TAFA1: variants seen among roughly 807,000 people sequenced by gnomAD.
TAFA1 encodes the protein TAFA chemokine like family member 1, also known as chemokine-like protein TAFA-1.
Under a neutral mutation model 18.5 loss-of-function variants are expected in TAFA1, and 4 were observed. The observed-to-expected ratio is 0.22, with a 90% confidence interval of 0.11 to 0.49. The LOEUF (loss-of-function observed/expected upper bound fraction) is 0.49, where lower values mean the gene tolerates loss of function less well. TAFA1 is among the 20% of genes least tolerant of loss of function. The pLI is 0.98. For missense variants in TAFA1, 147 were observed against 169.0 expected (o/e 0.87, Z 0.72); for synonymous variants, 56 against 55.2 (o/e 1.01, Z -0.06).
intron 3 of TAFA1, among the ~76,000 whole-genome samples, chr3:68,477,802 G>T (rs1407019164): frequency 6.6e-6 from 1 of 152,144 alleles, no homozygotes; most frequent in Non-Finnish European, 1.5e-5. Flanking sequence ...TTTCCAAAGA[G>T]GTTCTACCAA....
At chr3:68,445,106 A>T (rs994932156) in intron 3 of TAFA1, among the ~76,000 whole-genome samples, 1 of 152,154 alleles carries the variant, frequency 6.6e-6, no homozygotes, top group South Asian at 2.1e-4. Flanking sequence ...CAAAACTTAG[A>T]CATGCTGATA....
At chr3:68,387,043 C>T (rs1409504469) in intron 2 of TAFA1, among the ~76,000 whole-genome samples, 1 of 151,854 alleles carries the variant, frequency 6.6e-6, no homozygotes, top group Non-Finnish European at 1.5e-5. Flanking sequence ...AATCCATACA[C>T]TCTGTGCCTA....
chr3:68,013,511 A>T (rs1188937959), intron 2 of TAFA1, among the ~76,000 whole-genome samples: 1 of 152,090 alleles, frequency 6.6e-6, no homozygotes, highest in African/African-American at 2.4e-5. Flanking sequence ...TCTCCTCTAT[A>T]AGTTTAGAAA....
Position 68,499,103 on chromosome 3 carries a change from C to T in TAFA1, c.260-39653C>T, listed in dbSNP as rs180727467. ...AAATCATCAAAGAGATACGATTTTTCCTTACTCTTTTAAAGCAGCCTAGGT... is the reference window on the plus strand; with the variant it reads ...AAATCATCAAAGAGATACGATTTTTTCTTACTCTTTTAAAGCAGCCTAGGT... On this transcript the variant is annotated intron_variant, in intron 3 of 4. Transcript: ENST00000478136. 3.0e-3 allele frequency among the ~76,000 whole-genome samples: 452 copies of T among 152,030 alleles called. 2 individuals are homozygous for T. The highest frequency in any genetic ancestry group is 0.01 in the African/African-American group (429 of 41,522).
chr3:68,470,968 C>T (rs1473881519), intron 3 of TAFA1, among the ~76,000 whole-genome samples: 3 of 152,136 alleles, frequency 2.0e-5, no homozygotes, highest in Non-Finnish European at 4.4e-5. Flanking sequence ...AAAATGTTTC[C>T]TGGCGTGGAT....
chr3:68,101,131 A>G (rs1013004054), intron 2 of TAFA1, among the ~76,000 whole-genome samples: 3 of 152,138 alleles, frequency 2.0e-5, no homozygotes, highest in Non-Finnish European at 2.9e-5. Flanking sequence ...AGTACCCATT[A>G]GTTATTTTTC....
intron 2 of TAFA1, among the ~76,000 whole-genome samples, chr3:68,202,610 CAATT>C (rs2066480698): frequency 1.3e-5 from 2 of 151,676 alleles, no homozygotes; most frequent in Admixed American, 6.6e-5. Flanking sequence ...TACACATTCA[CAATT>C]AATCAAGCCA....
chr3:68,530,568 CT>C (rs2073174613), intron 3 of TAFA1, among the ~76,000 whole-genome samples: 1 of 152,132 alleles, frequency 6.6e-6, no homozygotes, highest in Non-Finnish European at 1.5e-5. Flanking sequence ...CCTTAAAGAT[CT>C]TCTTTCATAA....
intron 3 of TAFA1, among the ~76,000 whole-genome samples, chr3:68,491,489 ATG>A (rs1169487161): frequency 3.6e-5 from 5 of 139,236 alleles, no homozygotes; most frequent in Non-Finnish European, 7.6e-5. Flanking sequence ...GAATTGAACA[ATG>A]AGAACACATG....
intron 3 of TAFA1, among the ~76,000 whole-genome samples, chr3:68,485,622 C>T (rs1256299650): frequency 6.6e-6 from 1 of 152,170 alleles, no homozygotes; most frequent in Admixed American, 6.5e-5. Context: ...CTATAAAAGT[C>T]CTTGCATATA....
chr3:68,478,170 C>T (rs995792687), intron 3 of TAFA1, among the ~76,000 whole-genome samples: 18 of 152,210 alleles, frequency 1.2e-4, no homozygotes, highest in Non-Finnish European at 1.8e-4. Context: ...TTTACTGTCT[C>T]ATTAGGTATT....
chr3:68,106,545 T>C (rs2065206795), intron 2 of TAFA1, among the ~76,000 whole-genome samples: 1 of 152,112 alleles, frequency 6.6e-6, no homozygotes, highest in Non-Finnish European at 1.5e-5. Flanking sequence ...AAGGCAACGA[T>C]TTCTTAGGGT....
In TAFA1 at chr3:68,199,539, G is replaced by T. The variant is rs150275466; in HGVS notation, c.118+192795G>T. On this transcript the variant is annotated intron_variant, in intron 2 of 4. Transcript: ENST00000478136. ...TTTAGTTCTTTAATTTCTTTCAACA[G>T]AATTTTAAAGTTTTCCTCATATAAA... Among the ~76,000 whole-genome samples the T allele has an allele frequency of 7.7e-4, 116 of 151,524 alleles. 3 individuals carry two copies. In the East Asian group the frequency reaches 0.021, roughly 27 times the overall value.
At chr3:68,280,820 C>G (rs947211062) in intron 2 of TAFA1, among the ~76,000 whole-genome samples, 1 of 152,140 alleles carries the variant, frequency 6.6e-6, no homozygotes, top group African/African-American at 2.4e-5. Context: ...TGCATTTACT[C>G]TCAGGATAAT....
At chr3:68,130,490 C>A (rs2065523143) in intron 2 of TAFA1, among the ~76,000 whole-genome samples, 1 of 152,150 alleles carries the variant, frequency 6.6e-6, no homozygotes, top group Admixed American at 6.5e-5. Context: ...TCATCTAATT[C>A]CATTGAATAC....
intron 3 of TAFA1, among the ~76,000 whole-genome samples, chr3:68,419,930 T>C (rs957334161): frequency 3.9e-5 from 6 of 152,196 alleles, no homozygotes; most frequent in Non-Finnish European, 5.9e-5. Context: ...TCACGGAACA[T>C]ACTATCTCTG....
At chr3:68,228,003 A>G (rs1186755998) in intron 2 of TAFA1, among the ~76,000 whole-genome samples, 1 of 152,170 alleles carries the variant, frequency 6.6e-6, no homozygotes, top group Non-Finnish European at 1.5e-5. Flanking sequence ...ACTTGGAGAC[A>G]GGTTGACAAG....
At chr3:68,259,643 G>A (rs899914329) in intron 2 of TAFA1, among the ~76,000 whole-genome samples, 2 of 152,024 alleles carry the variant, frequency 1.3e-5, no homozygotes, top group East Asian at 1.9e-4. Flanking sequence ...TCCTTGAAGA[G>A]GTCCTTCACA....
At chr3:68,392,046 T>G (rs1462400610) in intron 2 of TAFA1, among the ~76,000 whole-genome samples, 2 of 151,980 alleles carry the variant, frequency 1.3e-5, no homozygotes, top group African/African-American at 4.8e-5. Flanking sequence ...AATGCCCCAA[T>G]TAAAAGACAC....
Sources: allele counts gnomAD v4.1 joint callset (sites outside exome capture counted in the v4.1 genomes callset), GRCh38; gene constraint gnomAD v4.1.1; transcripts MANE v1.5; gene names NCBI Gene and HGNC (gene_info 2026-07-23, HGNC 2026-07-21).